Variants in STXBP4 observed in about 807,000 individuals in gnomAD.
The protein encoded by STXBP4 is syntaxin binding protein 4, also known as syntaxin-binding protein 4.
Under a neutral mutation model 76.1 loss-of-function variants are expected in STXBP4, and 55 were observed. That is an observed-to-expected ratio of 0.72 (90% confidence interval 0.58 to 0.91). The LOEUF (loss-of-function observed/expected upper bound fraction) is 0.91. Among genes scored for constraint, STXBP4 ranks in the 40% least tolerant of loss-of-function variants. STXBP4 has a pLI of 0.00. For missense variants in STXBP4, 618 were observed against 636.9 expected (o/e 0.97, Z 0.32); for synonymous variants, 201 against 220.2 (o/e 0.91, Z 0.77).
chr17:55,120,090 G>A (rs1462347167), intron 16 of STXBP4, among the ~76,000 whole-genome samples: 5 of 152,070 alleles, frequency 3.3e-5, no homozygotes, highest in African/African-American at 1.2e-4. Context: ...TAAGTTAAAG[G>A]TGTTCTTCCC....
chr17:55,050,529 C>G (rs2078846610), intron 12 of STXBP4, among the ~76,000 whole-genome samples: 1 of 152,104 alleles, frequency 6.6e-6, no homozygotes, highest in South Asian at 2.1e-4. Context: ...ACTCCAGAAC[C>G]TAAACATTTA....
downstream of STXBP4, among the ~76,000 whole-genome samples, chr17:55,176,475 G>T (rs2080431352): frequency 6.6e-6 from 1 of 152,166 alleles, no homozygotes; most frequent in Non-Finnish European, 1.5e-5. Flanking sequence ...ACCAGGTGGG[G>T]ACAGTAGGAA....
chr17:54,980,936 T>G (rs1453135102), intron 1 of STXBP4, among the ~76,000 whole-genome samples: 3 of 51,032 alleles, frequency 5.9e-5, no homozygotes, highest in Admixed American at 4.7e-4. Flanking sequence ...TTTTTTTGCG[T>G]TTTTTTTTTG....
At chr17:55,157,738 C>T (rs1348032518) in intron 17 of STXBP4, among the ~76,000 whole-genome samples, 1 of 152,078 alleles carries the variant, frequency 6.6e-6, no homozygotes, top group Non-Finnish European at 1.5e-5. Context: ...GGAACATGAA[C>T]AAAATGTATA....
At chr17:55,137,717 A>G (rs2080048115) in intron 16 of STXBP4, among the ~76,000 whole-genome samples, 1 of 152,100 alleles carries the variant, frequency 6.6e-6, no homozygotes, top group South Asian at 2.1e-4. Flanking sequence ...TGGTACATGT[A>G]TGGTGCTTAC....
the STXBP4 span, among the ~76,000 whole-genome samples, chr17:55,208,617 G>A: frequency 1.3e-5 from 2 of 150,606 alleles, no homozygotes; most frequent in African/African-American, 4.9e-5. Flanking sequence ...AAAGAGAGAG[G>A]GAGGGAGGGA....
chr17:55,128,697 C>T (rs1455346588), intron 16 of STXBP4, among the ~76,000 whole-genome samples: 3 of 152,234 alleles, frequency 2.0e-5, no homozygotes, highest in East Asian at 1.9e-4. Context: ...CTCACTGCAA[C>T]GTCCACCACC....
intron 16 of STXBP4, among the ~76,000 whole-genome samples, chr17:55,114,987 C>T (rs2079764628): frequency 2.6e-5 from 4 of 151,780 alleles, no homozygotes; most frequent in Non-Finnish European, 5.9e-5. Flanking sequence ...TTTTGTTAAC[C>T]ATATCCTTTA....
At chr17:54,979,772 C>A (rs1342058042) in intron 1 of STXBP4, among the ~76,000 whole-genome samples, 2 of 152,142 alleles carry the variant, frequency 1.3e-5, no homozygotes, top group East Asian at 3.9e-4. Context: ...ACAAATCTTG[C>A]CTTCACTGGT....
intron 6 of STXBP4, 49 bp downstream of exon 6, chr17:54,999,891 C>A: frequency 8.0e-7 from 1 of 1,251,314 alleles, no homozygotes; most frequent in Non-Finnish European, 1.1e-6. Flanking sequence ...CCATAAATTC[C>A]CTATACATTT....
the STXBP4 span, among the ~76,000 whole-genome samples, chr17:55,178,903 A>G: frequency 3.3e-5 from 5 of 152,308 alleles, no homozygotes; most frequent in African/African-American, 9.6e-5. Flanking sequence ...TACTCATTCT[A>G]TCCATTCAAA....
rs1459122074 is a variant in STXBP4, at chr17:55,172,609, G to C, written c.*12698G>C. 1 of 152,092 alleles carries C rather than the reference G, an allele frequency of 6.6e-6. No homozygotes were observed. The highest frequency in any genetic ancestry group is 1.5e-5 in the Non-Finnish European group (1 of 68,036). The allele number at this position is 152,092 out of a possible 1,614,324, so 9.4% of individuals were successfully genotyped here. A position where few individuals can be genotyped will look rare whatever the true frequency, so the allele number is the denominator to read the frequency against. ...CCTAAGTCATTTCTTCTAAAAGTTA[G>C]TAATAATCCCACCAACTCACATTTA... On this transcript the variant is annotated 3_prime_UTR_variant, in exon 18 of 18. Coordinates refer to ENST00000376352, the MANE Select transcript of STXBP4 (RefSeq NM_178509.6).
intron 4 of STXBP4, chr17:54,991,745 T>G (rs182847841): frequency 1.6e-4 from 24 of 150,562 alleles, no homozygotes; most frequent in African/African-American, 5.8e-4. Flanking sequence ...TAATAAAATA[T>G]TCTCCATTTG....
intron 17 of STXBP4, among the ~76,000 whole-genome samples, chr17:55,142,328 G>A (rs973467811): frequency 1.3e-5 from 2 of 152,134 alleles, no homozygotes; most frequent in African/African-American, 4.8e-5. Flanking sequence ...ACTCCTTTGT[G>A]TATCCTTTTA....
At chr17:55,088,887 G>C (rs1053236822) in intron 16 of STXBP4, among the ~76,000 whole-genome samples, 1 of 152,146 alleles carries the variant, frequency 6.6e-6, no homozygotes, top group Non-Finnish European at 1.5e-5. Flanking sequence ...GGCCATCCCA[G>C]CCTCACCAGA....
intron 16 of STXBP4, among the ~76,000 whole-genome samples, chr17:55,135,795 T>G (rs1280568147): frequency 1.3e-5 from 2 of 152,122 alleles, no homozygotes; most frequent in African/African-American, 4.8e-5. Context: ...GCACAAATAA[T>G]GGATAATAAT....
chr17:55,012,815 T>A (rs1350636480), intron 8 of STXBP4, among the ~76,000 whole-genome samples: 1 of 152,136 alleles, frequency 6.6e-6, no homozygotes, highest in East Asian at 1.9e-4. Flanking sequence ...AGTATACAAG[T>A]TGAGGTCAGG....
chr17:55,047,184 T>TTG (rs2078801798), intron 12 of STXBP4, 30 bp downstream of exon 12: 14 of 1,144,438 alleles, frequency 1.2e-5, no homozygotes, highest in Admixed American at 2.0e-5. Flanking sequence ...ATATATGTGC[T>TTG]CGTGTGTGTG....
the STXBP4 span, among the ~76,000 whole-genome samples, chr17:55,197,755 GAAGAAAA>G: frequency 5.4e-5 from 8 of 148,836 alleles, no homozygotes; most frequent in South Asian, 4.4e-4. Flanking sequence ...AAAAAAAAAA[GAAGAAAA>G]AAGAAAAAAG....
Sources: gnomAD v4.1 joint callset for allele counts (sites outside exome capture counted in the v4.1 genomes callset) on GRCh38, gnomAD v4.1.1 for gene constraint, MANE v1.5 for transcripts, NCBI Gene and HGNC (gene_info 2026-07-23, HGNC 2026-07-21) for gene names.